Variants in KIRREL3 observed in about 807,000 individuals in gnomAD.
The protein encoded by KIRREL3 is kin of IRRE-like protein 3.
KIRREL3 carries 36 observed loss-of-function variants against 89.7 expected under a neutral mutation model. The observed-to-expected ratio is 0.40, with a 90% CI of 0.31 to 0.53. The LOEUF (loss-of-function observed/expected upper bound fraction) is 0.53, where lower values mean the gene tolerates loss of function less well. KIRREL3 is among the 20% of genes least tolerant of loss of function. KIRREL3 has a pLI of 0.49. For missense variants in KIRREL3, 864 were observed against 1,056.6 expected (o/e 0.82, Z 2.53); for synonymous variants, 445 against 441.4 (o/e 1.01, Z -0.10).
At chr11:126,507,969 C>G (rs957859869) in intron 4 of KIRREL3, among the ~76,000 whole-genome samples, 2 of 152,120 alleles carry the variant, frequency 1.3e-5, no homozygotes, top group Admixed American at 1.3e-4. Flanking sequence ...TTCTCTCCAG[C>G]AGCCTAGTGA....
In KIRREL3 at chr11:126,486,080, C is replaced by T. The variant is rs575843248; in HGVS notation, c.434-12614G>A. ...GCAGAGCTACTTGTGAGGAGACAGACGTTTCATTAATAATGAGTAGGGATG... is the reference window on the plus strand; with the variant it reads ...GCAGAGCTACTTGTGAGGAGACAGATGTTTCATTAATAATGAGTAGGGATG... On this transcript the variant is annotated intron_variant, in intron 4 of 16. Coordinates refer to ENST00000525144, the MANE Select transcript of KIRREL3 (RefSeq NM_032531.4). The surrounding 1 kb of genome is among the most constrained non-coding windows in gnomAD (Gnocchi z 6.2). 3.9e-5 allele frequency among the ~76,000 whole-genome samples: 6 copies of T among 152,264 alleles called. No individual in the cohort carries two copies. The East Asian group carries it at 5.8e-4, about 15-fold the overall frequency.
chr11:126,727,265 G>A (rs1026851060), intron 1 of KIRREL3, among the ~76,000 whole-genome samples: 7 of 152,262 alleles, frequency 4.6e-5, no homozygotes, highest in Non-Finnish European at 7.3e-5. Flanking sequence ...CCTGCACAGA[G>A]CAGGCTGGCT....
At chr11:126,886,981 C>A (rs1945719975) in intron 1 of KIRREL3, among the ~76,000 whole-genome samples, 1 of 152,130 alleles carries the variant, frequency 6.6e-6, no homozygotes, top group South Asian at 2.1e-4. Context: ...TTGTTCTGAG[C>A]AGGCTCCAGA....
At chr11:126,680,415 T>TATACACACAC (rs551073557) in intron 1 of KIRREL3, among the ~76,000 whole-genome samples, 1 of 151,498 alleles carries the variant, frequency 6.6e-6, no homozygotes, top group African/African-American at 2.4e-5. Context: ...TATATATATA[T>TATACACACAC]ACACATAGCC....
At chr11:126,465,280 C>G (rs1438173091) in intron 5 of KIRREL3, among the ~76,000 whole-genome samples, 1 of 152,142 alleles carries the variant, frequency 6.6e-6, no homozygotes, top group Non-Finnish European at 1.5e-5. Context: ...TTATGAGGGC[C>G]CCGGAAGACA....
chr11:126,649,654 C>G (rs1310992035), intron 1 of KIRREL3, among the ~76,000 whole-genome samples: 1 of 152,152 alleles, frequency 6.6e-6, no homozygotes, highest in Non-Finnish European at 1.5e-5. Context: ...TTGGGTAGCT[C>G]TATCCTTGTG....
chr11:126,762,156 C>T (rs1949683784), intron 1 of KIRREL3, among the ~76,000 whole-genome samples: 1 of 132,542 alleles, frequency 7.5e-6, no homozygotes, highest in African/African-American at 3.1e-5. Context: ...GCTTGGGTGA[C>T]AGAGTGAGAC....
In KIRREL3 at chr11:126,435,258, CCTT is replaced by C; in HGVS notation, c.1588+7_1588+9del. Reference sequence around the variant, plus strand: ...CTTCCCAGGGCCATTCTCATCATCTCCTTCCGTACCTGCTTCCAGCCCGGCTCC... The same window carrying C: ...CTTCCCAGGGCCATTCTCATCATCTCCCGTACCTGCTTCCAGCCCGGCTCC... On this transcript the variant is annotated splice_region_variant and intron_variant, in intron 13 of 16. Coordinates refer to ENST00000525144, the MANE Select transcript of KIRREL3 (RefSeq NM_032531.4). 2 of 1,613,792 alleles carry C rather than the reference CCTT, an allele frequency of 1.2e-6. No homozygotes were observed. The highest frequency in any genetic ancestry group is 2.2e-5 in the South Asian group (2 of 91,074).
rs115149357 is a variant in KIRREL3 at position 126,570,832 on chromosome 11, C to T, written c.56-7920G>A. Among the ~76,000 whole-genome samples the T allele has an allele frequency of 4.4e-3, 674 of 152,318 alleles. 10 individuals are homozygous for T. Among genetic ancestry groups the T allele is most frequent in the East Asian group, 0.029 (149 of 5,180 alleles). On this transcript the variant is annotated intron_variant, in intron 1 of 16. Coordinates refer to ENST00000525144, the MANE Select transcript of KIRREL3 (RefSeq NM_032531.4). The surrounding 1 kb of genome is among the most constrained non-coding windows in gnomAD (Gnocchi z 6.1). ...CATGCCCATGTGGTCATCTATCCTT[C>T]GGCTTCTCCAAATCTCTGCTCACTG...
intron 1 of KIRREL3, among the ~76,000 whole-genome samples, chr11:126,717,108 G>T (rs1320586133): frequency 6.6e-6 from 1 of 152,128 alleles, no homozygotes; most frequent in Non-Finnish European, 1.5e-5. Flanking sequence ...AACAAAGAAC[G>T]CCACAAAGGG....
rs1453604640 is a variant in KIRREL3, at chr11:126,471,187, G to A, written c.591+2122C>T. On this transcript the variant is annotated intron_variant, in intron 5 of 16. Coordinates refer to ENST00000525144, the MANE Select transcript of KIRREL3 (RefSeq NM_032531.4). The surrounding 1 kb of genome is among the most constrained non-coding windows in gnomAD (Gnocchi z 5.4). ...AGCCTGACCAACATGGAGTAACCCC[G>A]TCTCTTTTAAAAATACAAAAAAAGA... 3.3e-5 allele frequency among the ~76,000 whole-genome samples: 5 copies of A among 151,784 alleles called. No individual in the cohort carries two copies. The highest frequency in any genetic ancestry group is 2.1e-4 in the South Asian group (1 of 4,808).
rs375357005 is a variant in KIRREL3 at position 126,858,627 on chromosome 11, G to T, written c.55+141828C>A. 3.2e-4 allele frequency among the ~76,000 whole-genome samples: 48 copies of T among 152,232 alleles called. No individual in the cohort carries two copies. The South Asian group carries it at 8.5e-3, about 27-fold the overall frequency. On this transcript the variant is annotated intron_variant, in intron 1 of 16. Coordinates refer to ENST00000525144, the MANE Select transcript of KIRREL3 (RefSeq NM_032531.4). ...TATTTTGGCTTTGATCTCATAAGAG[G>T]TCAGTAGCAGTGTCTGTGATGTGTG...
chr11:126,630,083 C>A (rs1943954840), intron 1 of KIRREL3, among the ~76,000 whole-genome samples: 1 of 152,206 alleles, frequency 6.6e-6, no homozygotes, highest in South Asian at 2.1e-4. Context: ...GGGATCCTAG[C>A]TCTGATGTGG....
chr11:126,973,717 C>G (rs1313344464), intron 1 of KIRREL3, among the ~76,000 whole-genome samples: 1 of 152,118 alleles, frequency 6.6e-6, no homozygotes, highest in Non-Finnish European at 1.5e-5. Context: ...AATAATAATA[C>G]TTTTTACAGA....
At chr11:126,573,853 C>T (rs1437161843) in intron 1 of KIRREL3, among the ~76,000 whole-genome samples, 4 of 152,020 alleles carry the variant, frequency 2.6e-5, no homozygotes, top group East Asian at 1.9e-4. Flanking sequence ...GCAGCAGATC[C>T]GCGGGGGGAC....
intron 6 of KIRREL3, among the ~76,000 whole-genome samples, chr11:126,460,819 C>T (rs1163223517): frequency 6.6e-6 from 1 of 152,218 alleles, no homozygotes; most frequent in South Asian, 2.1e-4. Flanking sequence ...GAAACTGCTT[C>T]TTCCCACCTC....
Position 126,723,002 on chromosome 11 carries a change from C to T in KIRREL3, c.56-160090G>A, listed in dbSNP as rs973141483. Among the ~76,000 whole-genome samples, 4 of 152,160 alleles carry T rather than the reference C, an allele frequency of 2.6e-5. No individual in the cohort carries two copies. Among genetic ancestry groups the T allele is most frequent in the African/African-American group, 9.7e-5 (4 of 41,444 alleles). ...TATCATGAAACTATCCTTTGTCTCC[C>T]ACGGTGGAATTGGCCTTTCTTCATC... On this transcript the variant is annotated intron_variant, in intron 1 of 16. Coordinates refer to ENST00000525144, the MANE Select transcript of KIRREL3 (RefSeq NM_032531.4). The surrounding 1 kb of genome is among the most constrained non-coding windows in gnomAD (Gnocchi z 4.0).
At position 126,528,122 on chromosome 11, in the gene KIRREL3, A is replaced by T. The variant is rs1202670973; in HGVS notation, c.134-1435T>A. Among the ~76,000 whole-genome samples, 3 of 152,200 alleles carry T rather than the reference A, an allele frequency of 2.0e-5. No individual in the cohort carries two copies. The highest frequency in any genetic ancestry group is 4.4e-5 in the Non-Finnish European group (3 of 68,034). On this transcript the variant is annotated intron_variant, in intron 2 of 16. Coordinates refer to ENST00000525144, the MANE Select transcript of KIRREL3 (RefSeq NM_032531.4). The surrounding 1 kb of genome is among the most constrained non-coding windows in gnomAD (Gnocchi z 4.6). ...AGAGCAGGGGTTTGAGCAGGGGCCC[A>T]TCTGCATTCCAAGCCCTCCCTTTTT...
chr11:126,450,560 C>T (rs1239683396), intron 7 of KIRREL3, among the ~76,000 whole-genome samples: 6 of 129,296 alleles, frequency 4.6e-5, no homozygotes, highest in Non-Finnish European at 6.6e-5. Flanking sequence ...TGCATGTGTG[C>T]ATGTGCGTGT....
Sources: allele counts gnomAD v4.1 joint callset (sites outside exome capture counted in the v4.1 genomes callset), GRCh38; gene constraint gnomAD v4.1.1; non-coding constraint Gnocchi (gnomAD v3.1); transcripts MANE v1.5; gene names NCBI Gene and HGNC (gene_info 2026-07-23, HGNC 2026-07-21).